CNTN5: variants seen among roughly 807,000 people sequenced by gnomAD.
CNTN5 encodes the protein contactin-5.
In CNTN5, 77 loss-of-function variants were observed where a neutral mutation model predicts 129.1. That is an observed-to-expected ratio of 0.60 (90% CI 0.50 to 0.72). The LOEUF (loss-of-function observed/expected upper bound fraction) is 0.72, where lower values mean the gene tolerates loss of function less well. CNTN5 is among the 30% of genes least tolerant of loss of function. The pLI is 0.00. For synonymous variants in CNTN5, 509 were observed against 465.6 expected (o/e 1.09, Z -1.20); for missense variants, 1,478 against 1,328.8 (o/e 1.11, Z -1.75).
At chr11:100,326,263 T>C (rs1034258453) in intron 21 of CNTN5, among the ~76,000 whole-genome samples, 1 of 152,058 alleles carries the variant, frequency 6.6e-6, no homozygotes, top group African/African-American at 2.4e-5. Context: ...GGCTCATACA[T>C]AATAGGTATC....
intron 9 of CNTN5, among the ~76,000 whole-genome samples, chr11:100,006,007 A>T (rs1320174490): frequency 6.6e-6 from 1 of 152,150 alleles, no homozygotes; most frequent in Non-Finnish European, 1.5e-5. Context: ...TCCAGATGCC[A>T]CAATAAAGCA....
intron 3 of CNTN5, among the ~76,000 whole-genome samples, chr11:99,785,585 A>T (rs1281439824): frequency 6.6e-6 from 1 of 152,144 alleles, no homozygotes. Context: ...CATCGACGCA[A>T]ATATCCTCAA....
chr11:100,015,587 A>G (rs980519678), intron 9 of CNTN5, among the ~76,000 whole-genome samples: 1 of 152,154 alleles, frequency 6.6e-6, no homozygotes, highest in Non-Finnish European at 1.5e-5. Flanking sequence ...ATATTCTTGT[A>G]TATTTAGCAC....
chr11:99,300,870 CCTGT>C, intron 1 of CNTN5, among the ~76,000 whole-genome samples: 1 of 151,940 alleles, frequency 6.6e-6, no homozygotes, highest in South Asian at 2.1e-4. Flanking sequence ...CTTTCATCTT[CCTGT>C]CTATTCAAAA....
chr11:99,131,081 T>G (rs927630897), intron 1 of CNTN5, among the ~76,000 whole-genome samples: 4 of 145,744 alleles, frequency 2.7e-5, no homozygotes, highest in African/African-American at 1.0e-4. Flanking sequence ...GCTAACATGG[T>G]GAAACCCCAT....
chr11:99,979,470 G>C (rs1415340521), intron 8 of CNTN5, among the ~76,000 whole-genome samples: 1 of 152,162 alleles, frequency 6.6e-6, no homozygotes, highest in African/African-American at 2.4e-5. Flanking sequence ...AAATGAAGAA[G>C]AAGTAGAACA....
At chr11:99,117,060 GA>G (rs147777989) in intron 1 of CNTN5, among the ~76,000 whole-genome samples, 2,032 of 152,198 alleles carry the variant, frequency 0.013, 48 homozygotes, top group African/African-American at 0.046. Flanking sequence ...GAGGTGAGAG[GA>G]AAACCAGTAA....
At chr11:100,159,742 A>G (rs1947378378) in intron 13 of CNTN5, among the ~76,000 whole-genome samples, 2 of 151,990 alleles carry the variant, frequency 1.3e-5, no homozygotes, top group South Asian at 4.1e-4. Flanking sequence ...ACAATAGAGC[A>G]CATGCCAGAT....
chr11:100,056,304 A>G (rs1322816396), intron 9 of CNTN5, among the ~76,000 whole-genome samples: 1 of 151,688 alleles, frequency 6.6e-6, no homozygotes, highest in African/African-American at 2.4e-5. Context: ...TGGAGCAACA[A>G]AATCAAAAAG....
At chr11:100,062,536 C>T (rs1255956682) in intron 10 of CNTN5, among the ~76,000 whole-genome samples, 2 of 152,132 alleles carry the variant, frequency 1.3e-5, no homozygotes, top group African/African-American at 2.4e-5. Context: ...AACTCATGAT[C>T]CACTGGACTA....
intron 3 of CNTN5, among the ~76,000 whole-genome samples, chr11:99,734,555 A>T (rs1943637947): frequency 6.6e-6 from 1 of 152,162 alleles, no homozygotes; most frequent in African/African-American, 2.4e-5. Flanking sequence ...TATATATCAT[A>T]CTGATTTTAC....
At chr11:99,169,482 G>A (rs1861046592) in intron 1 of CNTN5, among the ~76,000 whole-genome samples, 1 of 151,938 alleles carries the variant, frequency 6.6e-6, no homozygotes, top group South Asian at 2.1e-4. Flanking sequence ...TAAGAAATAT[G>A]AAGAAGAAAT....
chr11:99,570,781 G>A (rs938941187), intron 3 of CNTN5, among the ~76,000 whole-genome samples: 1 of 152,146 alleles, frequency 6.6e-6, no homozygotes, highest in South Asian at 2.1e-4. Context: ...TAAAATGATA[G>A]TGAGTAATAT....
intron 1 of CNTN5, among the ~76,000 whole-genome samples, chr11:99,046,830 C>T (rs1049314910): frequency 6.6e-6 from 1 of 151,858 alleles, no homozygotes; most frequent in African/African-American, 2.4e-5. Flanking sequence ...ATATAACTTG[C>T]CCATTGCTAT....
chr11:99,621,120 G>C (rs950415526), intron 3 of CNTN5, among the ~76,000 whole-genome samples: 2 of 152,154 alleles, frequency 1.3e-5, no homozygotes, highest in Admixed American at 6.5e-5. Context: ...TAAGGGCCCT[G>C]ATAGGAGTAG....
At chr11:99,869,569 T>C (rs1214973282) in intron 6 of CNTN5, among the ~76,000 whole-genome samples, 1 of 152,158 alleles carries the variant, frequency 6.6e-6, no homozygotes, top group Non-Finnish European at 1.5e-5. Context: ...ACGGCAATCA[T>C]AGTCACTTCT....
chr11:99,869,976 A>C (rs949366008), intron 6 of CNTN5, among the ~76,000 whole-genome samples: 1 of 152,118 alleles, frequency 6.6e-6, no homozygotes, highest in South Asian at 2.1e-4. Context: ...CTGGAAATGG[A>C]AATGCTGATT....
At chr11:99,804,930 G>A (rs1946223928) in intron 3 of CNTN5, among the ~76,000 whole-genome samples, 2 of 151,438 alleles carry the variant, frequency 1.3e-5, no homozygotes, top group South Asian at 4.2e-4. Context: ...CTTCATGATG[G>A]AACATATAAC....
intron 2 of CNTN5, among the ~76,000 whole-genome samples, chr11:99,529,928 T>G (rs1459856956): frequency 1.3e-5 from 2 of 152,126 alleles, no homozygotes; most frequent in Admixed American, 6.5e-5. Context: ...ATTAAATATT[T>G]GCATAATTGA....
Sources: gnomAD v4.1 joint callset for allele counts (sites outside exome capture counted in the v4.1 genomes callset) on GRCh38, gnomAD v4.1.1 for gene constraint, MANE v1.5 for transcripts, NCBI Gene and HGNC (gene_info 2026-07-23, HGNC 2026-07-21) for gene names.